The following NIPBL variants were observed in gnomAD, a reference collection of about 807,000 sequenced individuals.
The protein encoded by NIPBL is NIPBL cohesin loading factor, also known as nipped-B-like protein.
NIPBL carries 19 observed loss-of-function variants against 321.8 expected under a neutral mutation model. That is an observed-to-expected ratio of 0.06 (90% CI 0.04 to 0.09). The LOEUF is 0.09. Among genes scored for constraint, NIPBL ranks in the 10% least tolerant of loss-of-function variants. The pLI is 1.00. For synonymous variants in NIPBL, 1,106 were observed against 1,114.1 expected, an observed-to-expected ratio of 0.99 and a Z score of 0.14; for missense variants, 2,210 against 3,327.0, an observed-to-expected ratio of 0.66 and a Z score of 8.26.
intron 32 of NIPBL, among the ~76,000 whole-genome samples, chr5:37,033,722 A>ATTT (rs1751358017): frequency 7.4e-5 from 6 of 81,540 alleles, no homozygotes; most frequent in Admixed American, 1.5e-4. Flanking sequence ...ATATATATAT[A>ATTT]TATATATATT....
chr5:37,004,600 G>A (rs766421558), intron 16 of NIPBL, among the ~76,000 whole-genome samples: 31 of 151,934 alleles, frequency 2.0e-4, no homozygotes, highest in Admixed American at 1.3e-3. Flanking sequence ...AGAGCCAAGC[G>A]CTCACTCTGT....
intron 46 of NIPBL, 122 bp downstream of exon 46, chr5:37,064,100 T>G: frequency 2.7e-6 from 4 of 1,467,218 alleles, no homozygotes; most frequent in Non-Finnish European, 3.6e-6. Flanking sequence ...GAGAAAACAT[T>G]TTGTAGATAG....
chr5:37,021,005 T>C (rs540064581), intron 27 of NIPBL, 128 bp downstream of exon 27: 1 of 823,778 alleles, frequency 1.2e-6, no homozygotes, highest in South Asian at 1.4e-5. Flanking sequence ...AGTATTTGTT[T>C]TTAGGTTCTC....
chr5:37,005,633 G>A (rs189936949), intron 16 of NIPBL, among the ~76,000 whole-genome samples: 9 of 152,130 alleles, frequency 5.9e-5, no homozygotes, highest in Admixed American at 1.3e-4. Flanking sequence ...ATTATATATC[G>A]TGTTTTTGTT....
At chr5:36,877,794 C>T (rs1030884943) in intron 1 of NIPBL, among the ~76,000 whole-genome samples, 5 of 152,180 alleles carry the variant, frequency 3.3e-5, no homozygotes, top group Non-Finnish European at 7.3e-5. Context: ...TTCATAAAGA[C>T]TCATTTTCTT....
chr5:37,024,997 C>G (rs1366277644), intron 30 of NIPBL, among the ~76,000 whole-genome samples: 1 of 152,028 alleles, frequency 6.6e-6, no homozygotes, highest in East Asian at 1.9e-4. Context: ...TTTGGGAGGC[C>G]AAGGCAGGAG....
intron 6 of NIPBL, among the ~76,000 whole-genome samples, chr5:36,967,512 TTTC>T (rs1469698482): frequency 6.6e-6 from 1 of 152,044 alleles, no homozygotes; most frequent in Non-Finnish European, 1.5e-5. Flanking sequence ...ACAGCAACAC[TTTC>T]TTAACTCTTT....
chr5:36,886,365 C>T, intron 1 of NIPBL: 1 of 718,050 alleles, frequency 1.4e-6, no homozygotes, highest in Non-Finnish European at 2.6e-6. Context: ...TTGAAGATGG[C>T]AAGAACTTCA....
intron 1 of NIPBL, among the ~76,000 whole-genome samples, chr5:36,889,276 G>A (rs1746145595): frequency 6.6e-6 from 1 of 152,054 alleles, no homozygotes; most frequent in South Asian, 2.1e-4. Context: ...TTGGATAAGA[G>A]AAAGATCTAT....
intron 1 of NIPBL, among the ~76,000 whole-genome samples, chr5:36,921,193 G>A (rs1748913870): frequency 6.7e-6 from 1 of 149,922 alleles, no homozygotes; most frequent in Admixed American, 6.7e-5. Context: ...TCTTGAACAG[G>A]AAAATTTCAT....
At chr5:37,041,241 G>A (rs1216058042) in intron 34 of NIPBL, among the ~76,000 whole-genome samples, 1 of 62,870 alleles carries the variant, frequency 1.6e-5, no homozygotes, top group Non-Finnish European at 3.3e-5. Context: ...CTTTTTTGTT[G>A]TTATGTGGTG....
intron 10 of NIPBL, among the ~76,000 whole-genome samples, chr5:36,986,512 T>C (rs1261569275): frequency 1.1e-4 from 17 of 152,120 alleles, no homozygotes; most frequent in African/African-American, 3.6e-4. Context: ...TCCCACCCAC[T>C]ACTCAAGGTA....
chr5:37,029,312 G>T (rs184184655), intron 32 of NIPBL, among the ~76,000 whole-genome samples: 3 of 152,218 alleles, frequency 2.0e-5, no homozygotes, highest in Admixed American at 6.5e-5. Flanking sequence ...CATGTACATT[G>T]TTCCTATCAA....
intron 1 of NIPBL, among the ~76,000 whole-genome samples, chr5:36,893,276 T>C (rs1746486647): frequency 6.6e-6 from 1 of 152,196 alleles, no homozygotes; most frequent in South Asian, 2.1e-4. Flanking sequence ...AAAGGGATGC[T>C]TTTAAAATAA....
At chr5:37,061,577 G>A (rs978049525) in intron 45 of NIPBL, among the ~76,000 whole-genome samples, 2 of 152,124 alleles carry the variant, frequency 1.3e-5, no homozygotes, top group Non-Finnish European at 2.9e-5. Flanking sequence ...TACTCAGGAG[G>A]CTGAGGCAGG....
Position 37,032,386 on chromosome 5 carries a change from C to CGTGTGTGTGTGT in NIPBL, c.5863-3952_5863-3941dup, listed in dbSNP as rs58831894. On this transcript the variant is annotated intron_variant, in intron 32 of 46. Transcript: ENST00000282516. Reference sequence around the variant, plus strand: ...GTGTATGCATATGCATACATGTATACGTGTGTGTGTGTGTGTGTGTGTGTG... The same window carrying CGTGTGTGTGTGT: ...GTGTATGCATATGCATACATGTATACGTGTGTGTGTGTGTGTGTGTGTGTGTGTGTGTGTGTG... Among the ~76,000 whole-genome samples the CGTGTGTGTGTGT allele has an allele frequency of 2.9e-3, 358 of 123,590 alleles. 3 individuals carry two copies. Among genetic ancestry groups the CGTGTGTGTGTGT allele is most frequent in the Admixed American group, 4.7e-3 (56 of 12,018 alleles). 81.1% of individuals were successfully genotyped at this position (123,590 alleles called of 152,430 possible). A position where few individuals can be genotyped will look rare whatever the true frequency, so the allele number is the denominator to read the frequency against.
intron 22 of NIPBL, among the ~76,000 whole-genome samples, chr5:37,015,654 C>T (rs567051761): frequency 3.6e-4 from 55 of 152,120 alleles, no homozygotes; most frequent in African/African-American, 1.3e-3. Context: ...CGCTGGAACC[C>T]GGGAGGTGGA....
chr5:37,028,874 A>G (rs189683288), intron 32 of NIPBL, among the ~76,000 whole-genome samples: 4 of 152,166 alleles, frequency 2.6e-5, no homozygotes, highest in Admixed American at 2.0e-4. Flanking sequence ...CTCTTATGTT[A>G]GTTTGCCCCT....
intron 25 of NIPBL, 93 bp downstream of exon 25, chr5:37,019,493 T>A: frequency 1.2e-6 from 1 of 865,206 alleles, no homozygotes. Context: ...GAGGAAAACT[T>A]AAGTTGTTTG....
Sources: gnomAD v4.1 joint callset for allele counts (sites outside exome capture counted in the v4.1 genomes callset) on GRCh38, gnomAD v4.1.1 for gene constraint, MANE v1.5 for transcripts, NCBI Gene and HGNC (gene_info 2026-07-23, HGNC 2026-07-21) for gene names.